LINGO2: variants seen among roughly 807,000 people sequenced by gnomAD.
LINGO2 encodes leucine rich repeat and Ig domain containing 2.
A neutral mutation model predicts 30.6 loss-of-function variants in LINGO2; 14 were observed. The ratio of observed to expected loss-of-function variants is 0.46; its 90% confidence interval spans 0.30 to 0.72. LINGO2 has a LOEUF of 0.72. Ranked by LOEUF, LINGO2 falls within the 30% of genes least tolerant of loss-of-function variation. The pLI is 0.07. For missense variants in LINGO2, 729 were observed against 751.7 expected (o/e 0.97, Z 0.35); for synonymous variants, 317 against 288.5 (o/e 1.10, Z -1.00).
the LINGO2 span, among the ~76,000 whole-genome samples, chr9:29,055,647 T>C: frequency 1.3e-5 from 2 of 152,044 alleles, no homozygotes; most frequent in Non-Finnish European, 2.9e-5. Flanking sequence ...ATTTTTGAGA[T>C]TTTGGTGCAC....
intron 1 of LINGO2, among the ~76,000 whole-genome samples, chr9:28,492,363 T>C (rs1018391306): frequency 6.6e-5 from 10 of 152,170 alleles, no homozygotes; most frequent in Non-Finnish European, 1.5e-4. Context: ...GCTGAAAACC[T>C]GAAAGCTTTA....
At chr9:28,459,512 C>T (rs1255956953) in intron 2 of LINGO2, among the ~76,000 whole-genome samples, 1 of 151,078 alleles carries the variant, frequency 6.6e-6, no homozygotes, top group East Asian at 1.9e-4. Context: ...AAAAAAAAGT[C>T]TATTTTCCTC....
chr9:28,733,870 A>C, the LINGO2 span, among the ~76,000 whole-genome samples: 1 of 152,140 alleles, frequency 6.6e-6, no homozygotes, highest in Non-Finnish European at 1.5e-5. Flanking sequence ...AACAACCTTT[A>C]CGGAGTGGCG....
chr9:28,098,411 A>C (rs1257887365), intron 4 of LINGO2, among the ~76,000 whole-genome samples: 1 of 152,208 alleles, frequency 6.6e-6, no homozygotes, highest in Non-Finnish European at 1.5e-5. Flanking sequence ...TATATCAATA[A>C]ATCTATAACA....
At chr9:28,054,967 A>T (rs563990638) in intron 4 of LINGO2, among the ~76,000 whole-genome samples, 1 of 152,008 alleles carries the variant, frequency 6.6e-6, no homozygotes, top group Non-Finnish European at 1.5e-5. Context: ...AAATGTGAAT[A>T]CTCCTTACAT....
At chr9:28,300,856 G>T (rs943005650) in intron 3 of LINGO2, among the ~76,000 whole-genome samples, 1 of 150,622 alleles carries the variant, frequency 6.6e-6, no homozygotes, top group Non-Finnish European at 1.5e-5. Context: ...TGGAAGAAGA[G>T]TAGAGGTGCA....
chr9:27,983,234 C>G (rs1052320267), intron 5 of LINGO2, among the ~76,000 whole-genome samples: 2 of 151,762 alleles, frequency 1.3e-5, no homozygotes, highest in Non-Finnish European at 2.9e-5. Flanking sequence ...TATATGCTTA[C>G]ATAAAAAGCA....
intron 5 of LINGO2, among the ~76,000 whole-genome samples, chr9:27,965,428 A>G (rs1820053851): frequency 6.6e-6 from 1 of 151,654 alleles, no homozygotes; most frequent in Non-Finnish European, 1.5e-5. Flanking sequence ...AAATAGAAAA[A>G]AAAAAAACCC....
At chr9:28,461,038 T>G (rs1219543391) in intron 2 of LINGO2, among the ~76,000 whole-genome samples, 2 of 152,126 alleles carry the variant, frequency 1.3e-5, no homozygotes, top group Non-Finnish European at 2.9e-5. Context: ...CATAAATTCA[T>G]TCTTGTTTGT....
the LINGO2 span, among the ~76,000 whole-genome samples, chr9:29,047,213 A>T: frequency 6.6e-6 from 1 of 152,164 alleles, no homozygotes; most frequent in South Asian, 2.1e-4. Flanking sequence ...TTTAAAAGAG[A>T]AAAACAACCC....
chr9:28,199,943 G>A (rs1587205975), intron 4 of LINGO2, among the ~76,000 whole-genome samples: 1 of 147,380 alleles, frequency 6.8e-6, no homozygotes, highest in Admixed American at 6.8e-5. Context: ...GAACTTCGTG[G>A]TTATTTTCTG....
At chr9:28,543,393 A>C (rs76262368) in intron 1 of LINGO2, among the ~76,000 whole-genome samples, 2,124 of 152,166 alleles carry the variant, frequency 0.014, 45 homozygotes, top group East Asian at 0.096. Context: ...TTTTATTCAT[A>C]ATTAGAAAGA....
At chr9:29,058,145 A>C in the LINGO2 span, among the ~76,000 whole-genome samples, 1 of 152,106 alleles carries the variant, frequency 6.6e-6, no homozygotes, top group Non-Finnish European at 1.5e-5. Context: ...AAAGAGAGAA[A>C]ATGAAATTAG....
intron 1 of LINGO2, among the ~76,000 whole-genome samples, chr9:28,489,136 T>C (rs983750911): frequency 5.9e-5 from 9 of 152,212 alleles, no homozygotes; most frequent in African/African-American, 2.2e-4. Context: ...CTGGCATAAA[T>C]TGTCAGTTTC....
intron 4 of LINGO2, among the ~76,000 whole-genome samples, chr9:28,294,503 A>T (rs1005961498): frequency 2.0e-5 from 3 of 152,190 alleles, no homozygotes; most frequent in Non-Finnish European, 4.4e-5. Flanking sequence ...GTAATTATGG[A>T]CAACATATTT....
the LINGO2 span, among the ~76,000 whole-genome samples, chr9:29,157,022 G>C: frequency 2.0e-5 from 3 of 151,936 alleles, no homozygotes; most frequent in South Asian, 4.1e-4. Context: ...GGTTGGCTAT[G>C]ATCTCATAAG....
rs567381101 is a variant in LINGO2 at position 28,211,482 on chromosome 9, T to C, written c.-87+83726A>G. Among the ~76,000 whole-genome samples, 6 of 151,498 alleles carry C rather than the reference T, an allele frequency of 4.0e-5. No homozygotes were observed. In the South Asian group the frequency reaches 1.0e-3, roughly 26 times the overall value. On this transcript the variant is annotated intron_variant, in intron 4 of 5. Transcript: ENST00000379992. The stretch of plus-strand genomic sequence containing the variant: ...CAAAGGAGAGGAAACTTGAACCCTC[T>C]TGTGATCAGGCCTTTTTCTGCTCTC...
intron 4 of LINGO2, among the ~76,000 whole-genome samples, chr9:28,161,640 A>T (rs7039973): frequency 0.038 from 5,814 of 152,170 alleles, 351 homozygotes; most frequent in African/African-American, 0.13. Flanking sequence ...AACGAGAAGG[A>T]TTCATGTGTA....
chr9:29,095,496 A>C, the LINGO2 span, among the ~76,000 whole-genome samples: 72 of 138,582 alleles, frequency 5.2e-4, 11 homozygotes, highest in African/African-American at 1.8e-3. Flanking sequence ...CTTAACTCAA[A>C]GTCATTTTTA....
Sources: allele counts gnomAD v4.1 joint callset (sites outside exome capture counted in the v4.1 genomes callset), GRCh38; gene constraint gnomAD v4.1.1; transcripts MANE v1.5; gene names NCBI Gene and HGNC (gene_info 2026-07-23, HGNC 2026-07-21).